The following SCARB1 variants were observed in gnomAD, a reference collection of about 807,000 sequenced individuals.
SCARB1 encodes CD36 and LIMPII analogous 1.
A neutral mutation model predicts 57.2 loss-of-function variants in SCARB1; 30 were observed. The ratio of observed to expected loss-of-function variants is 0.52; its 90% CI spans 0.39 to 0.71. SCARB1 has a LOEUF of 0.71. SCARB1 is among the 30% of genes least tolerant of loss of function. The pLI is 0.00. For missense variants in SCARB1, 543 were observed against 671.2 expected (o/e 0.81, Z 2.11); for synonymous variants, 249 against 268.3 (o/e 0.93, Z 0.70).
At chr12:124,813,145 C>T (rs1950582112) in intron 4 of SCARB1, among the ~76,000 whole-genome samples, 2 of 152,090 alleles carry the variant, frequency 1.3e-5, no homozygotes, top group South Asian at 4.1e-4. Context: ...TTCCAGCTTC[C>T]CCTGGAGCTA....
intron 2 of SCARB1, among the ~76,000 whole-genome samples, chr12:124,816,964 C>T (rs1048658216): frequency 6.6e-6 from 1 of 151,720 alleles, no homozygotes; most frequent in Middle Eastern, 3.2e-3. Flanking sequence ...TGCTGACCCA[C>T]CCGGTCCTCT....
At chr12:124,844,788 G>A (rs895119164) in intron 1 of SCARB1, among the ~76,000 whole-genome samples, 20 of 151,178 alleles carry the variant, frequency 1.3e-4, no homozygotes, top group Non-Finnish European at 8.8e-5. Context: ...CCATGCACCT[G>A]TTATGGACAT....
chr12:124,790,838 G>A (rs980247622), intron 9 of SCARB1, among the ~76,000 whole-genome samples: 4 of 152,230 alleles, frequency 2.6e-5, no homozygotes, highest in African/African-American at 7.2e-5. Context: ...GCAGGCCCGA[G>A]CCCTTCCACC....
chr12:124,778,455 C>T lies in SCARB1; in HGVS notation c.*132G>A. On this transcript the variant is annotated 3_prime_UTR_variant, in exon 13 of 13. Transcript: ENST00000261693. ...GTGCAGGTGTGCAACAGGCACATGG[C>T]AGCTGGGAGGCTCAGGCTGTGGGGC... The T allele has an allele frequency of 7.5e-7, 1 of 1,329,294 alleles. No individual in the cohort carries two copies. Among genetic ancestry groups the T allele is most frequent in the East Asian group, 3.1e-5 (1 of 32,702 alleles). The allele number at this position is 1,329,294 out of a possible 1,614,324, so 82.3% of individuals were successfully genotyped here.
rs760650874 is a variant in SCARB1 at position 124,800,194 on chromosome 12, A to C, written c.1058T>G (p.Val353Gly). The change falls in exon 8 of 13, where the codon GTT (valine) becomes GGT (glycine). Residue 353 changes from valine to glycine, a missense_variant. Val to Gly is a moderately radical substitution (Grantham distance 109). Coordinates refer to ENST00000261693, the MANE Select transcript of SCARB1 (RefSeq NM_005505.5). This position sits in a 1 kb window ranked among gnomAD's most constrained non-coding sequence, Gnocchi z 4.8. ...SHPHFLNADPVLAEAVTGLHP... is the reference protein window; with the variant it reads ...SHPHFLNADPGLAEAVTGLHP... ...CAGGCCAGTCACCGCTTCTGCCAGA[A>C]CCGGGTCAGCGTTGAGGAAGTGAGG... is the stretch of plus-strand genomic sequence containing the variant. 6.2e-7 allele frequency: 1 copy of C among 1,614,026 alleles called. No homozygotes were observed. Among genetic ancestry groups the C allele is most frequent in the Non-Finnish European group, 8.5e-7 (1 of 1,179,932 alleles).
chr12:124,852,797 T>C (rs981196441), intron 1 of SCARB1, among the ~76,000 whole-genome samples: 11 of 152,152 alleles, frequency 7.2e-5, no homozygotes, highest in Non-Finnish European at 1.0e-4. Flanking sequence ...TCCAAGCACT[T>C]TGGGAAGCTA....
At chr12:124,794,574 C>T (rs1158018693) in intron 9 of SCARB1, among the ~76,000 whole-genome samples, 3 of 151,840 alleles carry the variant, frequency 2.0e-5, no homozygotes, top group African/African-American at 4.8e-5. Context: ...GCCACTCTGT[C>T]GTGTAGGAAA....
chr12:124,821,447 C>G, intron 1 of SCARB1: 3 of 985,184 alleles, frequency 3.0e-6, no homozygotes, highest in Non-Finnish European at 2.4e-6. Context: ...ACCAAGAAGT[C>G]ATGGGATCCG....
intron 1 of SCARB1, among the ~76,000 whole-genome samples, chr12:124,846,736 A>G (rs1215144439): frequency 1.4e-5 from 2 of 145,258 alleles, no homozygotes; most frequent in Non-Finnish European, 3.0e-5. Flanking sequence ...TCTCAAAAAA[A>G]AAAAAAAAAA....
Position 124,778,380 on chromosome 12 carries a change from G to A in SCARB1, c.*207C>T. ...TCCCTTCAGCAGCAGCTCCATCCCT[G>A]AGTGTCTGCACAAGCCTGCACGCAT... On this transcript the variant is annotated 3_prime_UTR_variant, in exon 13 of 13. Coordinates refer to ENST00000261693, the MANE Select transcript of SCARB1 (RefSeq NM_005505.5). 2 of 1,196,324 alleles carry A rather than the reference G, an allele frequency of 1.7e-6. No homozygotes were observed. The highest frequency in any genetic ancestry group is 2.1e-6 in the Non-Finnish European group (2 of 949,488). 74.1% of individuals were successfully genotyped at this position (1,196,324 alleles called of 1,614,324 possible). A position where few individuals can be genotyped will look rare whatever the true frequency, so the allele number is the denominator to read the frequency against.
At position 124,856,745 on chromosome 12, in the gene SCARB1, C is replaced by A. The variant is rs531181843; in HGVS notation, c.126+6850G>T. Among the ~76,000 whole-genome samples the A allele has an allele frequency of 5.9e-5, 9 of 152,316 alleles. 1 individual carries two copies. The South Asian group carries it at 1.7e-3, about 28-fold the overall frequency. On this transcript the variant is annotated intron_variant, in intron 1 of 12. Coordinates refer to ENST00000261693, the MANE Select transcript of SCARB1 (RefSeq NM_005505.5). ...TAGGTGGAGACACTGGGCCTCCCCC[C>A]CAGGTTCCGCAGGGGGGCTGATAAA...
rs1355240698 is a variant in SCARB1 at position 124,778,585 on chromosome 12, C to T, written c.*2G>A. On this transcript the variant is annotated splice_region_variant and 3_prime_UTR_variant, in exon 13 of 13. Coordinates refer to ENST00000261693, the MANE Select transcript of SCARB1 (RefSeq NM_005505.5). ...TGGCTGGCTCACGGTGTCCTCAGGA[C>T]CCTGTGGAGAAAGGCAAAGCTGGGT... is the stretch of plus-strand genomic sequence containing the variant. 2 of 1,411,068 alleles carry T rather than the reference C, an allele frequency of 1.4e-6. No individual in the cohort carries two copies. The highest frequency in any genetic ancestry group is 1.8e-6 in the Non-Finnish European group (2 of 1,085,922). 87.4% of individuals were successfully genotyped at this position (1,411,068 alleles called of 1,614,324 possible).
chr12:124,778,529 T>TG lies in SCARB1; in HGVS notation c.*57dup. 8 of 1,283,592 alleles carry TG rather than the reference T, an allele frequency of 6.2e-6. No homozygotes were observed. The highest frequency in any genetic ancestry group is 3.8e-5 in the South Asian group (2 of 52,484). The allele number at this position is 1,283,592 out of a possible 1,614,324, so 79.5% of individuals were successfully genotyped here. A position where few individuals can be genotyped will look rare whatever the true frequency, so the allele number is the denominator to read the frequency against. ...TCCGGGAGAAGCGGGGTGTAGGGGC[T>TG]GGGGGGCCGGTCAGGCCCAGCGGCC... On this transcript the variant is annotated 3_prime_UTR_variant, in exon 13 of 13. Coordinates refer to ENST00000261693, the MANE Select transcript of SCARB1 (RefSeq NM_005505.5).
intron 9 of SCARB1, among the ~76,000 whole-genome samples, chr12:124,794,397 A>ATTTTTTTT (rs1242276585): frequency 1.1e-4 from 12 of 113,946 alleles, no homozygotes; most frequent in East Asian, 7.6e-4. Context: ...TGCTTGAAAA[A>ATTTTTTTT]TTCTTTTTTT....
chr12:124,831,999 C>G (rs1184728941), intron 1 of SCARB1, among the ~76,000 whole-genome samples: 2 of 151,936 alleles, frequency 1.3e-5, no homozygotes, highest in Non-Finnish European at 2.9e-5. Context: ...ACGTGAGGGA[C>G]AAACGCAATG....
At chr12:124,856,781 G>C (rs1456408798) in intron 1 of SCARB1, among the ~76,000 whole-genome samples, 1 of 152,220 alleles carries the variant, frequency 6.6e-6, no homozygotes, top group East Asian at 1.9e-4. Context: ...GGCGCAGAGC[G>C]GGCGGCCCCT....
chr12:124,808,556 T>A (rs1426060578), intron 6 of SCARB1, among the ~76,000 whole-genome samples: 1 of 152,190 alleles, frequency 6.6e-6, no homozygotes, highest in Non-Finnish European at 1.5e-5. Context: ...GGCATCTTCA[T>A]CCACCAGACT....
intron 5 of SCARB1, 117 bp downstream of exon 5, chr12:124,811,753 C>A (rs1228286134): frequency 4.1e-6 from 3 of 732,526 alleles, no homozygotes; most frequent in African/African-American, 3.5e-5. Flanking sequence ...CCTCCCAGCA[C>A]CCTCTTCACG....
intron 2 of SCARB1, 22 bp from the exon 3 acceptor site, chr12:124,815,136 C>A: frequency 6.2e-7 from 1 of 1,611,640 alleles, no homozygotes; most frequent in South Asian, 1.1e-5. Context: ...GCCAGTGGGT[C>A]AGACGCCCCG....
Sources: gnomAD v4.1 joint callset for allele counts (sites outside exome capture counted in the v4.1 genomes callset) on GRCh38, gnomAD v4.1.1 for gene constraint, Gnocchi (gnomAD v3.1) non-coding constraint, MANE v1.5 for transcripts, NCBI Gene and HGNC (gene_info 2026-07-23, HGNC 2026-07-21) for gene names.